Variants in NPAS2 observed in about 807,000 individuals in gnomAD.
NPAS2 encodes the protein neuronal PAS domain-containing protein 2.
In NPAS2, 23 loss-of-function variants were observed where a neutral mutation model predicts 107.5. The ratio of observed to expected loss-of-function variants is 0.21; its 90% CI spans 0.15 to 0.30. The LOEUF is 0.30. Among genes scored for constraint, NPAS2 ranks in the 10% least tolerant of loss-of-function variants. NPAS2 has a pLI of 1.00. For missense variants in NPAS2, 756 were observed against 1,043.3 expected, an observed-to-expected ratio of 0.72 and a Z score of 3.79; for synonymous variants, 403 against 417.5, an observed-to-expected ratio of 0.97 and a Z score of 0.42.
intron 2 of NPAS2, 45 bp downstream of exon 2, chr2:100,904,831 C>T (rs1311583724): frequency 1.3e-5 from 18 of 1,439,626 alleles, no homozygotes; most frequent in African/African-American, 2.9e-5. Flanking sequence ...CTCTGGCCCC[C>T]GGGGGTCTGC....
intron 1 of NPAS2, chr2:100,878,649 T>G (rs1436759573): frequency 1.0e-6 from 1 of 984,928 alleles, no homozygotes; most frequent in Non-Finnish European, 1.2e-6. Flanking sequence ...TTTGCGGTTT[T>G]GTTTCAAAAA....
At chr2:100,994,130 G>C (rs12712088) in intron 20 of NPAS2, 128,591 of 152,380 alleles carry the variant, frequency 0.84, 54,661 homozygotes, top group African/African-American at 0.95. Context: ...CTGCCAAGCT[G>C]CAGAAGGGCC....
intron 1 of NPAS2, among the ~76,000 whole-genome samples, chr2:100,874,773 A>G (rs566095924): frequency 2.0e-5 from 3 of 152,040 alleles, no homozygotes; most frequent in African/African-American, 7.2e-5. Flanking sequence ...AGTAAACATC[A>G]GTTTTCTGCA....
At chr2:100,921,979 T>A (rs1180636529) in intron 2 of NPAS2, among the ~76,000 whole-genome samples, 1 of 152,090 alleles carries the variant, frequency 6.6e-6, no homozygotes, top group South Asian at 2.1e-4. Context: ...GAAAAAGGAA[T>A]GGGGTGTTAA....
At chr2:100,848,853 G>C (rs919290429) in intron 1 of NPAS2, among the ~76,000 whole-genome samples, 2 of 152,164 alleles carry the variant, frequency 1.3e-5, no homozygotes, top group African/African-American at 4.8e-5. Context: ...ATTCTATTTG[G>C]GGAAAATCTT....
chr2:100,947,518 C>T (rs1425007107), intron 5 of NPAS2, among the ~76,000 whole-genome samples: 1 of 151,426 alleles, frequency 6.6e-6, no homozygotes, highest in Non-Finnish European at 1.5e-5. Context: ...CACCATTGCA[C>T]TCCAGCCTGG....
chr2:100,938,231 C>T (rs1360613933), intron 5 of NPAS2, among the ~76,000 whole-genome samples: 2 of 152,166 alleles, frequency 1.3e-5, no homozygotes, highest in Non-Finnish European at 1.5e-5. Context: ...CAACAGATGG[C>T]TTGGGTTGAA....
chr2:100,870,910 G>C (rs1343035182), intron 1 of NPAS2, among the ~76,000 whole-genome samples: 1 of 152,226 alleles, frequency 6.6e-6, no homozygotes, highest in Non-Finnish European at 1.5e-5. Flanking sequence ...ATTCAGCTGT[G>C]TGCCCTCTAG....
At chr2:100,849,743 G>A (rs971709359) in intron 1 of NPAS2, among the ~76,000 whole-genome samples, 3 of 152,134 alleles carry the variant, frequency 2.0e-5, no homozygotes, top group Admixed American at 1.3e-4. Context: ...CTGTAACAAA[G>A]AGATCCTGGA....
chr2:100,866,862 G>C (rs764422576), intron 1 of NPAS2, among the ~76,000 whole-genome samples: 13 of 152,202 alleles, frequency 8.5e-5, no homozygotes, highest in Admixed American at 2.6e-4. Context: ...AGGAGTTGTA[G>C]CTTCTATACT....
rs1447268317 is a variant in NPAS2, at chr2:100,904,793, T to C, written c.32+7T>C. On this transcript the variant is annotated splice_region_variant and intron_variant, in intron 2 of 20. Transcript: ENST00000335681. Reference sequence around the variant, plus strand: ...AGAAAGACAGAGCCAAGAGGTAAGATGCAGCTGTCCCCCTGCTCAGCAGAG... The same window carrying C: ...AGAAAGACAGAGCCAAGAGGTAAGACGCAGCTGTCCCCCTGCTCAGCAGAG... 1.2e-6 allele frequency: 2 copies of C among 1,603,044 alleles called. No individual in the cohort carries two copies. Among genetic ancestry groups the C allele is most frequent in the Admixed American group, 3.4e-5 (2 of 59,440 alleles).
intron 4 of NPAS2, chr2:100,934,687 A>G: frequency 1.6e-6 from 1 of 608,126 alleles, no homozygotes; most frequent in Non-Finnish European, 2.1e-6. Flanking sequence ...TTCAGTAGAC[A>G]CAGACCTAGT....
intron 15 of NPAS2, among the ~76,000 whole-genome samples, chr2:100,979,478 AAC>A (rs1491576552): frequency 4.6e-5 from 5 of 108,224 alleles, no homozygotes; most frequent in African/African-American, 1.5e-4. Context: ...ATTTAATAAT[AAC>A]TATATATATA....
intron 12 of NPAS2, among the ~76,000 whole-genome samples, chr2:100,971,522 C>G (rs891523000): frequency 2.0e-5 from 3 of 152,148 alleles, no homozygotes; most frequent in African/African-American, 7.2e-5. Context: ...GTGGCACTGC[C>G]TCCAGGACCC....
chr2:100,901,617 A>G (rs1270685406), intron 1 of NPAS2: 1 of 913,458 alleles, frequency 1.1e-6, no homozygotes, highest in African/African-American at 1.8e-5. Flanking sequence ...GTGGAGAATG[A>G]GAGTGTTTAT....
At chr2:100,841,176 T>C (rs1677371783) in intron 1 of NPAS2, among the ~76,000 whole-genome samples, 1 of 152,194 alleles carries the variant, frequency 6.6e-6, no homozygotes, top group Non-Finnish European at 1.5e-5. Context: ...AGCTCACACC[T>C]GTAATCCTAG....
In NPAS2 at chr2:100,968,359, A is replaced by G; in HGVS notation, c.986A>G (p.His329Arg). ...CAGCAGTGGATCTGGCTGCAGACTC[A>G]CTACTACATCACCTACCATCAGTGG... ...KGQQWIWLQT[H>R]YYITYHQWNS... Residue 329 changes from histidine to arginine, a missense_variant, in exon 11 of 21, where the codon CAC becomes CGC. By Grantham distance (29) the His-to-Arg change is conservative. Transcript: ENST00000335681. The surrounding 1 kb of genome is among the most constrained non-coding windows in gnomAD (Gnocchi z 5.3). The G allele has an allele frequency of 1.2e-6, 2 of 1,614,082 alleles. No individual in the cohort carries two copies. The highest frequency in any genetic ancestry group is 1.1e-5 in the South Asian group (1 of 91,080).
At chr2:100,869,038 C>T (rs1359034651) in intron 1 of NPAS2, among the ~76,000 whole-genome samples, 3 of 152,084 alleles carry the variant, frequency 2.0e-5, no homozygotes, top group African/African-American at 7.2e-5. Flanking sequence ...AAGCGATTCT[C>T]GTGCCTCAGC....
intron 3 of NPAS2, among the ~76,000 whole-genome samples, chr2:100,929,496 A>G (rs1189762577): frequency 1.3e-5 from 2 of 152,214 alleles, no homozygotes; most frequent in Non-Finnish European, 2.9e-5. Context: ...TTTGAAAAAT[A>G]CATATTACCA....
Sources: allele counts gnomAD v4.1 joint callset (sites outside exome capture counted in the v4.1 genomes callset), GRCh38; gene constraint gnomAD v4.1.1; non-coding constraint Gnocchi (gnomAD v3.1); transcripts MANE v1.5; gene names NCBI Gene and HGNC (gene_info 2026-07-23, HGNC 2026-07-21).